SMAD3: variants seen among roughly 807,000 people sequenced by gnomAD.
SMAD3 encodes MAD homolog 3.
In SMAD3, 12 loss-of-function variants were observed where a neutral mutation model predicts 51.8. The observed-to-expected ratio is 0.23, with a 90% CI of 0.15 to 0.38. The LOEUF (loss-of-function observed/expected upper bound fraction) is 0.38. Among genes scored for constraint, SMAD3 ranks in the 10% least tolerant of loss-of-function variants. The pLI is 1.00. For missense variants in SMAD3, 294 were observed against 565.6 expected (o/e 0.52, Z 4.87); for synonymous variants, 238 against 227.7 (o/e 1.05, Z -0.41).
In SMAD3 at chr15:67,192,922, C is replaced by T. The variant is rs752493489; in HGVS notation, c.*2386C>T. On this transcript the variant is annotated 3_prime_UTR_variant, in exon 9 of 9. Transcript: ENST00000327367. ...GAGTTTTGTGTTTTTCCAAAGGATA[C>T]TTCCTTGGCCCTTTTTCTTTATTGA... The T allele has an allele frequency of 2.6e-5, 6 of 233,018 alleles. No homozygotes were observed. The highest frequency in any genetic ancestry group is 4.2e-5 in the Non-Finnish European group (5 of 117,932). The allele number at this position is 233,018 out of a possible 1,614,324, so 14.4% of individuals were successfully genotyped here.
intron 1 of SMAD3, among the ~76,000 whole-genome samples, chr15:67,132,632 C>T (rs906915417): frequency 1.3e-5 from 2 of 152,188 alleles, no homozygotes; most frequent in Non-Finnish European, 2.9e-5. Context: ...GGGCATAATG[C>T]CACCTGTGAG....
chr15:67,091,088 A>G (rs1181413032), intron 1 of SMAD3, among the ~76,000 whole-genome samples: 1 of 152,174 alleles, frequency 6.6e-6, no homozygotes, highest in Non-Finnish European at 1.5e-5. Flanking sequence ...CTCTGGAGAG[A>G]AAGATCCTCG....
chr15:67,162,599 C>G (rs1383403350), intron 1 of SMAD3, among the ~76,000 whole-genome samples: 3 of 152,180 alleles, frequency 2.0e-5, no homozygotes, highest in Non-Finnish European at 4.4e-5. Flanking sequence ...CTTTGGGGCC[C>G]TGCAGAGTAC....
At chr15:67,105,650 C>T (rs946750981) in intron 1 of SMAD3, among the ~76,000 whole-genome samples, 5 of 152,216 alleles carry the variant, frequency 3.3e-5, no homozygotes, top group Admixed American at 2.6e-4. Context: ...ATTTTTGGCA[C>T]TTCCAGAAAA....
intron 1 of SMAD3, among the ~76,000 whole-genome samples, chr15:67,085,648 T>A (rs1960371514): frequency 6.6e-6 from 1 of 152,124 alleles, no homozygotes; most frequent in African/African-American, 2.4e-5. Flanking sequence ...CATGGCTGCT[T>A]TTAAAAATTT....
At chr15:67,124,145 G>A (rs988363402) in intron 1 of SMAD3, among the ~76,000 whole-genome samples, 4 of 152,100 alleles carry the variant, frequency 2.6e-5, no homozygotes, top group Non-Finnish European at 4.4e-5. Context: ...AGGCCACCAC[G>A]TCTGGCTAAT....
intron 1 of SMAD3, among the ~76,000 whole-genome samples, chr15:67,090,862 T>TTA (rs1960494072): frequency 6.6e-6 from 1 of 152,198 alleles, no homozygotes; most frequent in African/African-American, 2.4e-5. Flanking sequence ...AGCTAAAATA[T>TTA]TATAAACAGA....
At chr15:67,119,330 G>T (rs904184209) in intron 1 of SMAD3, among the ~76,000 whole-genome samples, 1 of 152,196 alleles carries the variant, frequency 6.6e-6, no homozygotes, top group South Asian at 2.1e-4. Context: ...CTTAGCAAGG[G>T]CAGTCATGAT....
intron 1 of SMAD3, chr15:67,099,092 A>G (rs1193445212): frequency 2.9e-6 from 2 of 687,832 alleles, no homozygotes; most frequent in Non-Finnish European, 2.7e-6. Context: ...AGCCTTAGAG[A>G]AAGTGGCTGT....
At chr15:67,069,096 A>G (rs1959993045) in intron 1 of SMAD3, among the ~76,000 whole-genome samples, 1 of 152,214 alleles carries the variant, frequency 6.6e-6, no homozygotes, top group South Asian at 2.1e-4. Context: ...GAGCAGCAAC[A>G]GCAACATTTG....
chr15:67,159,529 A>G (rs1476796354), intron 1 of SMAD3, among the ~76,000 whole-genome samples: 1 of 152,148 alleles, frequency 6.6e-6, no homozygotes, highest in African/African-American at 2.4e-5. Context: ...AGCCTTGCAT[A>G]TTTAAAGTGT....
intron 8 of SMAD3, among the ~76,000 whole-genome samples, chr15:67,190,080 C>T (rs1291054669): frequency 1.3e-5 from 2 of 152,046 alleles, no homozygotes; most frequent in African/African-American, 4.8e-5. Flanking sequence ...GAGGTCTCCT[C>T]TATTAGGGGG....
chr15:67,111,579 A>T (rs1444365413), intron 1 of SMAD3, among the ~76,000 whole-genome samples: 2 of 152,192 alleles, frequency 1.3e-5, no homozygotes, highest in Non-Finnish European at 2.9e-5. Context: ...TGTTTTCCAA[A>T]GTGGTTGTGT....
chr15:67,159,998 T>C (rs1303680991), intron 1 of SMAD3, among the ~76,000 whole-genome samples: 1 of 152,230 alleles, frequency 6.6e-6, no homozygotes, highest in South Asian at 2.1e-4. Context: ...TTTATTTCTC[T>C]TGGGTAAATA....
intron 1 of SMAD3, among the ~76,000 whole-genome samples, chr15:67,080,463 C>T (rs371973615): frequency 5.3e-5 from 8 of 152,082 alleles, no homozygotes; most frequent in African/African-American, 1.4e-4. Flanking sequence ...TCTACTATGT[C>T]GGCACCATCA....
chr15:67,115,788 C>T (rs1464111924), intron 1 of SMAD3, among the ~76,000 whole-genome samples: 1 of 152,208 alleles, frequency 6.6e-6, no homozygotes, highest in Non-Finnish European at 1.5e-5. Context: ...AAAGAGGAAG[C>T]ACTCACAAGG....
At chr15:67,090,973 G>C (rs1276662720) in intron 1 of SMAD3, among the ~76,000 whole-genome samples, 3 of 152,174 alleles carry the variant, frequency 2.0e-5, no homozygotes, top group African/African-American at 7.2e-5. Flanking sequence ...GGAGGAAACT[G>C]TTTATTTCAG....
chr15:67,170,699 C>T (rs1440907457), intron 5 of SMAD3, 95 bp downstream of exon 5: 1 of 1,061,690 alleles, frequency 9.4e-7, no homozygotes, highest in South Asian at 1.3e-5. Context: ...GTAAGGCTCT[C>T]CCCCGACCCC....
At chr15:67,107,973 A>AC (rs1211785404) in intron 1 of SMAD3, among the ~76,000 whole-genome samples, 4 of 65,002 alleles carry the variant, frequency 6.2e-5, no homozygotes, top group African/African-American at 1.2e-4. Flanking sequence ...TCTCCCCCCC[A>AC]CCCCCCCACC....
Sources: gnomAD v4.1 joint callset for allele counts (sites outside exome capture counted in the v4.1 genomes callset) on GRCh38, gnomAD v4.1.1 for gene constraint, MANE v1.5 for transcripts, NCBI Gene and HGNC (gene_info 2026-07-23, HGNC 2026-07-21) for gene names.